The following DMXL2 variants were observed in gnomAD, a reference collection of about 807,000 sequenced individuals.
DMXL2 encodes dmX-like protein 2.
In DMXL2, 103 loss-of-function variants were observed where a neutral mutation model predicts 331.1. That is an observed-to-expected ratio of 0.31 (90% CI 0.27 to 0.37). The LOEUF (loss-of-function observed/expected upper bound fraction) is 0.37, where lower values mean the gene tolerates loss of function less well. DMXL2 is among the 10% of genes least tolerant of loss of function. The pLI is 1.00. For synonymous variants in DMXL2, 1,281 were observed against 1,252.1 expected (o/e 1.02, Z -0.49); for missense variants, 3,171 against 3,642.9 (o/e 0.87, Z 3.33).
In DMXL2 at chr15:51,460,009, A is replaced by G. The variant is rs2039978714; in HGVS notation, c.7927-349T>C. On this transcript the variant is annotated intron_variant, in intron 33 of 43. Coordinates refer to ENST00000560891, the MANE Select transcript of DMXL2 (RefSeq NM_001378457.1). ...AGCAGATGCAGAAGATGCTACATAA[A>G]TTCCTGCCCTATAGGGGTTGATTTA... 3.0e-6 allele frequency: 3 copies of G among 984,204 alleles called. No individual in the cohort carries two copies. In the South Asian group the frequency reaches 1.4e-4, roughly 46 times the overall value. 61.0% of individuals were successfully genotyped at this position (984,204 alleles called of 1,614,324 possible). A position where few individuals can be genotyped will look rare whatever the true frequency, so the allele number is the denominator to read the frequency against.
chr15:51,519,805 G>A (rs2047251070), intron 13 of DMXL2, among the ~76,000 whole-genome samples: 1 of 151,864 alleles, frequency 6.6e-6, no homozygotes, highest in Non-Finnish European at 1.5e-5. Context: ...ACCACACCTG[G>A]CTAATTTTTG....
At chr15:51,573,783 G>A (rs1313880298) in intron 2 of DMXL2, among the ~76,000 whole-genome samples, 2 of 151,956 alleles carry the variant, frequency 1.3e-5, no homozygotes, top group Non-Finnish European at 2.9e-5. Flanking sequence ...CATGGCACGT[G>A]TATACCTATG....
intron 31 of DMXL2, among the ~76,000 whole-genome samples, chr15:51,465,194 A>G (rs2040464876): frequency 6.6e-6 from 1 of 152,102 alleles, no homozygotes. Context: ...CCAGGAGTTC[A>G]AGACCAGCCT....
intron 24 of DMXL2, 107 bp from the exon 25 acceptor site, chr15:51,480,246 C>T (rs1240215021): frequency 1.7e-6 from 2 of 1,147,608 alleles, no homozygotes; most frequent in Non-Finnish European, 2.4e-6. Context: ...TATGTTCGCT[C>T]ACTCATTCTA....
chr15:51,620,950 GC>G (rs1481400664), intron 1 of DMXL2, among the ~76,000 whole-genome samples: 1 of 152,172 alleles, frequency 6.6e-6, no homozygotes, highest in Admixed American at 6.5e-5. Context: ...TTAGATGGAA[GC>G]AGAAAACTAC....
chr15:51,466,169 A>T lies in DMXL2; in HGVS notation c.7520+15T>A. On this transcript the variant is annotated intron_variant, in intron 30 of 43. Coordinates refer to ENST00000560891, the MANE Select transcript of DMXL2 (RefSeq NM_001378457.1). The stretch of plus-strand genomic sequence containing the variant: ...AAGCCAAAAAAAAAATGAGAGAAAG[A>T]AAAGTCTTATTTACCTATAGGAATT... The T allele has an allele frequency of 6.5e-7, 1 of 1,545,636 alleles. No individual in the cohort carries two copies. Among genetic ancestry groups the T allele is most frequent in the East Asian group, 2.4e-5 (1 of 42,270 alleles).
At chr15:51,609,666 C>T (rs139550897) in intron 1 of DMXL2, among the ~76,000 whole-genome samples, 52 of 152,222 alleles carry the variant, frequency 3.4e-4, no homozygotes, top group African/African-American at 1.1e-3. Flanking sequence ...TGGTGGCTCA[C>T]GCCTGTAATC....
rs368031898 is a variant in DMXL2 at position 51,499,804 on chromosome 15, G to A, written c.3420C>T (p.Ser1140=). Residue 1140 remains serine, a synonymous_variant, in exon 18 of 44, where the codon AGC becomes AGT. Transcript: ENST00000560891. The part of the protein sequence containing the change: ...KVGSVLDSRV[S]VDSNLFVYSK... Reference sequence around the variant, plus strand: ...TATACACAAACAGATTACTGTCGACGCTGACCCTTGAATCAAGTACACTCC... The same window carrying A: ...TATACACAAACAGATTACTGTCGACACTGACCCTTGAATCAAGTACACTCC... 80 of 1,614,066 alleles carry A rather than the reference G, an allele frequency of 5.0e-5. No homozygotes were observed. Among genetic ancestry groups the A allele is most frequent in the Middle Eastern group, 3.3e-4 (2 of 6,062 alleles).
intron 34 of DMXL2, 102 bp downstream of exon 34, chr15:51,459,496 G>T (rs2039940918): frequency 1.1e-6 from 1 of 943,146 alleles, no homozygotes. Context: ...TGAGTTCTCT[G>T]AGTAGTTAGC....
intron 1 of DMXL2, among the ~76,000 whole-genome samples, chr15:51,604,229 AC>A (rs1343109739): frequency 2.0e-5 from 3 of 151,640 alleles, no homozygotes; most frequent in African/African-American, 7.2e-5. Flanking sequence ...CTTTCAGCAA[AC>A]AAGGAATAAA....
intron 26 of DMXL2, among the ~76,000 whole-genome samples, chr15:51,476,947 T>C (rs1016297349): frequency 3.3e-5 from 5 of 152,140 alleles, no homozygotes; most frequent in African/African-American, 9.6e-5. Flanking sequence ...ATGACACTTA[T>C]TCCTTTAGAA....
intron 1 of DMXL2, among the ~76,000 whole-genome samples, chr15:51,595,155 T>C (rs529945471): frequency 6.6e-6 from 1 of 152,350 alleles, no homozygotes; most frequent in East Asian, 1.9e-4. Flanking sequence ...ATGACATGAT[T>C]GTATATCCAG....
chr15:51,481,152 G>A lies in DMXL2; in HGVS notation c.5954C>T (p.Ala1985Val), dbSNP rs746512128. Residue 1985 changes from alanine to valine, a missense_variant, in exon 24 of 44, where the codon GCC becomes GTC. By Grantham distance (64) the Ala-to-Val change is moderately conservative. Around this residue, in one of 7 missense-constraint regions of DMXL2, gnomAD observed 244 missense variants for 251.4 expected, o/e 0.97. Coordinates refer to ENST00000560891, the MANE Select transcript of DMXL2 (RefSeq NM_001378457.1). ...NLDWGEDHDS[A>V]LDEEEDDAVG... ...AGCATCGTCTTCCTCTTCATCTAAG[G>A]CACTGTCGTGATCTTCACCCCAATC... 28 of 1,612,850 alleles carry A rather than the reference G, an allele frequency of 1.7e-5. No homozygotes were observed. Among genetic ancestry groups the A allele is most frequent in the Non-Finnish European group, 2.4e-5 (28 of 1,179,344 alleles).
At chr15:51,595,799 G>T (rs1393982718) in intron 1 of DMXL2, among the ~76,000 whole-genome samples, 4 of 152,168 alleles carry the variant, frequency 2.6e-5, no homozygotes, top group Admixed American at 2.6e-4. Context: ...TGACAAACCT[G>T]ACAAAAGCAA....
chr15:51,599,379 C>G (rs927761667), intron 1 of DMXL2, among the ~76,000 whole-genome samples: 4 of 152,166 alleles, frequency 2.6e-5, no homozygotes, highest in Non-Finnish European at 4.4e-5. Flanking sequence ...TCTCAGCTGA[C>G]AGTTAGGAAA....
intron 1 of DMXL2, among the ~76,000 whole-genome samples, chr15:51,593,885 A>G (rs1209080048): frequency 2.6e-5 from 4 of 152,238 alleles, no homozygotes; most frequent in Admixed American, 2.0e-4. Context: ...AAGACATGAC[A>G]TACCAGAATC....
intron 23 of DMXL2, among the ~76,000 whole-genome samples, chr15:51,484,975 G>A (rs1004154119): frequency 1.4e-5 from 2 of 139,666 alleles, no homozygotes; most frequent in African/African-American, 5.3e-5. Flanking sequence ...AGACTAGATC[G>A]AGCAGAAGAA....
chr15:51,487,845 T>C, intron 22 of DMXL2, 109 bp downstream of exon 22: 1 of 913,410 alleles, frequency 1.1e-6, no homozygotes, highest in East Asian at 2.8e-5. Flanking sequence ...ACCTCTGTAG[T>C]TATTCTGTGT....
intron 17 of DMXL2, 133 bp from the exon 18 acceptor site, chr15:51,500,364 C>T: frequency 1.1e-6 from 1 of 920,038 alleles, no homozygotes; most frequent in Non-Finnish European, 1.6e-6. Context: ...TGCAGTCTTC[C>T]TCTTAACTAG....
Sources: gnomAD v4.1 joint callset for allele counts (sites outside exome capture counted in the v4.1 genomes callset) on GRCh38, gnomAD v4.1.1 for gene constraint, gnomAD v4.1.1 regional missense constraint, MANE v1.5 for transcripts, NCBI Gene and HGNC (gene_info 2026-07-23, HGNC 2026-07-21) for gene names.